METTL15: variants seen among roughly 807,000 people sequenced by gnomAD.
METTL15 encodes 12S rRNA N(4)-cytidine methyltransferase METTL15.
METTL15 carries 34 observed loss-of-function variants against 38.3 expected under a neutral mutation model. That is an observed-to-expected ratio of 0.89 (90% CI 0.68 to 1.18). The LOEUF (loss-of-function observed/expected upper bound fraction) is 1.18, where lower values mean the gene tolerates loss of function less well. Among genes scored for constraint, METTL15 ranks in the 50% most tolerant of loss-of-function variants. The pLI is 0.00. For synonymous variants in METTL15, 162 were observed against 170.9 expected, an observed-to-expected ratio of 0.95 and a Z score of 0.41; for missense variants, 438 against 498.4, an observed-to-expected ratio of 0.88 and a Z score of 1.15.
chr11:28,458,751 T>A (rs1159567355), intron 6 of METTL15, among the ~76,000 whole-genome samples: 2 of 152,186 alleles, frequency 1.3e-5, no homozygotes, highest in African/African-American at 4.8e-5. Context: ...CAGAGCGTAT[T>A]CCCTTCCATT....
chr11:28,278,253 T>C (rs1195483136), intron 4 of METTL15, among the ~76,000 whole-genome samples: 1 of 152,190 alleles, frequency 6.6e-6, no homozygotes, highest in African/African-American at 2.4e-5. Context: ...ACAGAGGAAG[T>C]AGACATTTTT....
intron 6 of METTL15, among the ~76,000 whole-genome samples, chr11:28,314,691 T>C (rs1382682986): frequency 6.6e-6 from 1 of 152,164 alleles, no homozygotes; most frequent in Admixed American, 6.5e-5. Context: ...GTAGTTGGTA[T>C]GGTTTGGCTC....
At chr11:28,479,853 A>G (rs931542292) in intron 6 of METTL15, among the ~76,000 whole-genome samples, 1 of 152,224 alleles carries the variant, frequency 6.6e-6, no homozygotes, top group Non-Finnish European at 1.5e-5. Context: ...TACACAGAAT[A>G]TGCAATACTC....
intron 6 of METTL15, among the ~76,000 whole-genome samples, chr11:28,475,628 A>G (rs1230542297): frequency 6.6e-6 from 1 of 152,046 alleles, no homozygotes; most frequent in Non-Finnish European, 1.5e-5. Context: ...CACTGCCTCT[A>G]GTGTTATGTT....
At chr11:28,450,958 A>G (rs915763948) in intron 6 of METTL15, among the ~76,000 whole-genome samples, 1 of 152,312 alleles carries the variant, frequency 6.6e-6, no homozygotes, top group Non-Finnish European at 1.5e-5. Flanking sequence ...ATTAAAAACC[A>G]TGGCTCAAAC....
chr11:28,132,772 A>AT (rs1301361214), intron 3 of METTL15, among the ~76,000 whole-genome samples: 1 of 152,170 alleles, frequency 6.6e-6, no homozygotes, highest in East Asian at 1.9e-4. Context: ...ATTACCACAG[A>AT]TTCCTGAAAA....
At chr11:28,134,953 A>G (rs553215058) in intron 3 of METTL15, among the ~76,000 whole-genome samples, 2 of 152,242 alleles carry the variant, frequency 1.3e-5, no homozygotes, top group East Asian at 3.9e-4. Flanking sequence ...TACTCTTATC[A>G]TATGGTAGGA....
intron 6 of METTL15, among the ~76,000 whole-genome samples, chr11:28,478,128 A>G (rs1851362881): frequency 6.6e-6 from 1 of 152,210 alleles, no homozygotes; most frequent in South Asian, 2.1e-4. Flanking sequence ...TATGTCCATG[A>G]TCTTAAAACT....
intron 3 of METTL15, among the ~76,000 whole-genome samples, chr11:28,185,242 C>T (rs1195128709): frequency 6.6e-6 from 1 of 151,242 alleles, no homozygotes; most frequent in Non-Finnish European, 1.5e-5. Context: ...AATTGAATCC[C>T]ATTTTAAATA....
chr11:28,379,632 G>T (rs1182377753), intron 5 of METTL15, among the ~76,000 whole-genome samples: 2 of 152,086 alleles, frequency 1.3e-5, no homozygotes, highest in South Asian at 2.1e-4. Context: ...CCTACCATGT[G>T]GTCTATTCTG....
In METTL15 at chr11:28,117,239, G is replaced by GTGTT. The variant is rs368801490; in HGVS notation, c.270+3638_270+3639insTTGT. Among the ~76,000 whole-genome samples the GTGTT allele has an allele frequency of 7.2e-3, 442 of 61,658 alleles. 16 individuals are homozygous for GTGTT. The highest frequency in any genetic ancestry group is 0.014 in the South Asian group (15 of 1,058). The allele number at this position is 61,658 out of a possible 152,430, so 40.5% of individuals were successfully genotyped here. On this transcript the variant is annotated intron_variant, in intron 3 of 6. Coordinates refer to ENST00000407364, the MANE Select transcript of METTL15 (RefSeq NM_001113528.2). Reference sequence around the variant, plus strand: ...CATATATACACCTATATATGTATGTGTGTGTGTGTGTGTGTGTGTGTATAT... The same window carrying GTGTT: ...CATATATACACCTATATATGTATGTGTGTTTGTGTGTGTGTGTGTGTGTGTATAT...
chr11:28,132,187 A>G (rs1849360876), intron 3 of METTL15, among the ~76,000 whole-genome samples: 1 of 152,174 alleles, frequency 6.6e-6, no homozygotes, highest in Admixed American at 6.5e-5. Flanking sequence ...CTCCTTGCAA[A>G]GAAGCCAGAC....
chr11:28,271,816 A>G (rs376821794), intron 4 of METTL15, among the ~76,000 whole-genome samples: 107 of 152,306 alleles, frequency 7.0e-4, no homozygotes, highest in African/African-American at 2.4e-3. Context: ...TTTGCAATCT[A>G]TCCATCTGAC....
chr11:28,139,722 G>A (rs952631602), intron 3 of METTL15, among the ~76,000 whole-genome samples: 10 of 151,822 alleles, frequency 6.6e-5, no homozygotes, highest in African/African-American at 2.4e-4. Context: ...TGTGAGTTGG[G>A]GTCCTGGCTT....
intron 5 of METTL15, among the ~76,000 whole-genome samples, chr11:28,374,388 G>T (rs1300586001): frequency 6.6e-6 from 1 of 152,068 alleles, no homozygotes; most frequent in African/African-American, 2.4e-5. Flanking sequence ...CACATCCCTT[G>T]TAAGTTGGTT....
At chr11:28,140,494 A>G (rs999027623) in intron 3 of METTL15, among the ~76,000 whole-genome samples, 1 of 152,192 alleles carries the variant, frequency 6.6e-6, no homozygotes, top group Admixed American at 6.5e-5. Context: ...GGAGGAGAAG[A>G]CTCAGAAATG....
intron 1 of METTL15, among the ~76,000 whole-genome samples, chr11:28,108,944 G>T (rs112846910): frequency 3.3e-5 from 5 of 152,100 alleles, no homozygotes; most frequent in Non-Finnish European, 7.4e-5. Context: ...ATTTGGCAGG[G>T]TGTTTTTAAT....
At chr11:28,176,154 A>C (rs1851067587) in intron 3 of METTL15, among the ~76,000 whole-genome samples, 1 of 152,018 alleles carries the variant, frequency 6.6e-6, no homozygotes, top group Admixed American at 6.6e-5. Context: ...TTTGTATTTC[A>C]AAAGAAATAT....
chr11:28,270,899 A>T (rs1236148207), intron 4 of METTL15, among the ~76,000 whole-genome samples: 2 of 152,180 alleles, frequency 1.3e-5, no homozygotes, highest in African/African-American at 2.4e-5. Context: ...AAGTCTCTTA[A>T]CTTCACTGCC....
Sources: allele counts gnomAD v4.1 joint callset (sites outside exome capture counted in the v4.1 genomes callset), GRCh38; gene constraint gnomAD v4.1.1; transcripts MANE v1.5; gene names NCBI Gene and HGNC (gene_info 2026-07-23, HGNC 2026-07-21).